The following EPB41L3 variants were observed in gnomAD, a reference collection of about 807,000 sequenced individuals.
The protein encoded by EPB41L3 is band 4.1-like protein 3.
Under a neutral mutation model 127.1 loss-of-function variants are expected in EPB41L3, and 57 were observed. That is an observed-to-expected ratio of 0.45 (90% CI 0.36 to 0.56). The LOEUF is 0.56. Ranked by LOEUF, EPB41L3 falls within the 20% of genes least tolerant of loss-of-function variation. The pLI, the probability that EPB41L3 is intolerant of heterozygous loss-of-function variation, is 0.00. For missense variants in EPB41L3, 1,273 were observed against 1,372.2 expected (o/e 0.93, Z 1.14); for synonymous variants, 572 against 549.5 (o/e 1.04, Z -0.57).
intron 19 of EPB41L3, 99 bp downstream of exon 19, chr18:5,396,102 G>A (rs2073399570): frequency 7.0e-7 from 1 of 1,428,334 alleles, no homozygotes; most frequent in Middle Eastern, 1.9e-4. Flanking sequence ...GATCCTCTAA[G>A]TCTCATGAAT....
chr18:5,410,507 C>T, intron 14 of EPB41L3, 59 bp downstream of exon 14: 1 of 1,276,790 alleles, frequency 7.8e-7, no homozygotes, highest in Non-Finnish European at 1.1e-6. Flanking sequence ...AAACACAGAG[C>T]CACCCCACAA....
At chr18:5,566,042 T>C (rs1192109904) in intron 3 of EPB41L3, among the ~76,000 whole-genome samples, 2 of 152,132 alleles carry the variant, frequency 1.3e-5, no homozygotes, top group Non-Finnish European at 2.9e-5. Flanking sequence ...GCATTCCCTT[T>C]GAAAACTGGC....
intron 2 of EPB41L3, among the ~76,000 whole-genome samples, chr18:5,614,184 A>G (rs2094764270): frequency 2.0e-5 from 3 of 152,328 alleles, no homozygotes; most frequent in Admixed American, 6.5e-5. Context: ...CTAGAATTAT[A>G]GTCCCTTTCT....
Position 5,488,989 on chromosome 18 carries a change from G to T in EPB41L3, c.183+12C>A, listed in dbSNP as rs746386167. ...CAAACACTGCGTCATTAGTTTTCTG[G>T]CCTGGGCTCACCTCCCTCCGCACCG... On this transcript the variant is annotated intron_variant, in intron 2 of 22. Transcript: ENST00000341928. 1 of 1,571,614 alleles carries T rather than the reference G, an allele frequency of 6.4e-7. No homozygotes were observed.
intron 1 of EPB41L3, among the ~76,000 whole-genome samples, chr18:5,502,250 T>G (rs1250673781): frequency 6.6e-6 from 1 of 152,170 alleles, no homozygotes; most frequent in Non-Finnish European, 1.5e-5. Context: ...GCTCTTTCAA[T>G]TTTTGAATCC....
At position 5,396,719 on chromosome 18, in the gene EPB41L3, T is replaced by C. The variant is rs1183327730; in HGVS notation, c.2841+339A>G. ...CATGGTTTTGGTGCTTCTGGAAAAG[T>C]GCACTGATAAGAAATAAATGTATCA... On this transcript the variant is annotated intron_variant, in intron 18 of 22. Coordinates refer to ENST00000341928, the MANE Select transcript of EPB41L3 (RefSeq NM_012307.5). Among the ~76,000 whole-genome samples, 7 of 152,206 alleles carry C rather than the reference T, an allele frequency of 4.6e-5. 1 individual carries two copies. The highest frequency in any genetic ancestry group is 1.0e-4 in the Non-Finnish European group (7 of 68,028).
intron 13 of EPB41L3, among the ~76,000 whole-genome samples, chr18:5,414,610 C>T (rs183677918): frequency 3.9e-5 from 6 of 152,188 alleles, no homozygotes; most frequent in East Asian, 3.9e-4. Context: ...AAATGCTAAG[C>T]GTATTTTGCT....
intron 1 of EPB41L3, among the ~76,000 whole-genome samples, chr18:5,506,980 G>C (rs1409505909): frequency 6.6e-6 from 1 of 152,182 alleles, no homozygotes; most frequent in African/African-American, 2.4e-5. Context: ...CTAGTGAAAA[G>C]TGCATAGTCA....
chr18:5,513,668 T>C (rs1181038574), intron 1 of EPB41L3, among the ~76,000 whole-genome samples: 2 of 152,250 alleles, frequency 1.3e-5, no homozygotes, highest in Non-Finnish European at 2.9e-5. Context: ...CTTAGTTAAG[T>C]GGTGATATTA....
chr18:5,435,895 T>C (rs2079706971), intron 6 of EPB41L3, among the ~76,000 whole-genome samples: 1 of 152,230 alleles, frequency 6.6e-6, no homozygotes, highest in Admixed American at 6.5e-5. Flanking sequence ...TTCTCATTTT[T>C]AGAATTTAGA....
intron 1 of EPB41L3, among the ~76,000 whole-genome samples, chr18:5,519,609 C>A (rs2092904319): frequency 6.6e-6 from 1 of 152,192 alleles, no homozygotes; most frequent in Non-Finnish European, 1.5e-5. Context: ...CTAAGGGGCA[C>A]TGCAGAGCTA....
chr18:5,508,875 TA>T (rs914018734), intron 1 of EPB41L3, among the ~76,000 whole-genome samples: 2 of 150,782 alleles, frequency 1.3e-5, no homozygotes, highest in South Asian at 2.1e-4. Flanking sequence ...AGATTATACA[TA>T]AACATTTTAA....
chr18:5,451,862 G>A (rs368621556), intron 3 of EPB41L3, among the ~76,000 whole-genome samples: 62 of 152,224 alleles, frequency 4.1e-4, no homozygotes, highest in African/African-American at 1.1e-3. Flanking sequence ...TTGCTTTGAC[G>A]GAGTCTCACT....
chr18:5,395,043 TATTTACCGTCTCACA>T lies in EPB41L3; in HGVS notation c.3153+9_3153+23del, dbSNP rs1367113840. ...GTTTTTCTTTGTTTCTCTGCCAGGG[TATTTACCGTCTCACA>T]CACACTACCTGGTCATGGTCAATGT... is the stretch of plus-strand genomic sequence containing the variant. On this transcript the variant is annotated intron_variant, in intron 21 of 22. Transcript: ENST00000341928. 8.7e-6 allele frequency: 14 copies of T among 1,607,490 alleles called. No homozygotes were observed. The highest frequency in any genetic ancestry group is 1.2e-5 in the Non-Finnish European group (14 of 1,174,024).
intron 13 of EPB41L3, among the ~76,000 whole-genome samples, chr18:5,412,897 AATTAT>A (rs1012796854): frequency 5.5e-4 from 83 of 151,934 alleles, no homozygotes; most frequent in Non-Finnish European, 1.0e-3. Context: ...TGCCTATAAC[AATTAT>A]ATTATATAAT....
chr18:5,515,137 C>T (rs1389825621), intron 1 of EPB41L3, among the ~76,000 whole-genome samples: 5 of 152,140 alleles, frequency 3.3e-5, no homozygotes, highest in Admixed American at 1.3e-4. Flanking sequence ...TTGGTGCCCA[C>T]AGCAAACAGC....
intron 7 of EPB41L3, 136 bp from the exon 8 acceptor site, chr18:5,433,692 G>T (rs1029689698): frequency 1.2e-4 from 111 of 901,120 alleles, no homozygotes; most frequent in Non-Finnish European, 1.7e-4. Context: ...AGAATAACAA[G>T]AAAAAGGGCT....
At chr18:5,515,320 ATTGT>A (rs1223636831) in intron 1 of EPB41L3, among the ~76,000 whole-genome samples, 1 of 152,136 alleles carries the variant, frequency 6.6e-6, no homozygotes, top group Non-Finnish European at 1.5e-5. Context: ...CTGAAATAAC[ATTGT>A]TTGGTATTCA....
intron 16 of EPB41L3, chr18:5,399,940 G>A (rs1015726368): frequency 6.6e-6 from 1 of 152,310 alleles, no homozygotes; most frequent in African/African-American, 2.4e-5. Context: ...TCAAGGCATT[G>A]TAATGAAATA....
Sources: gnomAD v4.1 joint callset for allele counts (sites outside exome capture counted in the v4.1 genomes callset) on GRCh38, gnomAD v4.1.1 for gene constraint, MANE v1.5 for transcripts, NCBI Gene and HGNC (gene_info 2026-07-23, HGNC 2026-07-21) for gene names.